The following S100Z variants were observed in gnomAD, a reference collection of about 807,000 sequenced individuals.
S100Z encodes protein S100-Z.
Under a neutral mutation model 8.5 loss-of-function variants are expected in S100Z, and 11 were observed. The ratio of observed to expected loss-of-function variants is 1.30; its 90% CI spans 0.82 to 2.15. The LOEUF is 2.15. S100Z is among the 30% of genes most tolerant of loss of function. The pLI is 0.00. For synonymous variants in S100Z, 34 were observed against 43.8 expected (o/e 0.78, Z 0.89); for missense variants, 126 against 117.9 (o/e 1.07, Z -0.32).
chr5:76,862,029 T>A (rs1320305), intron 1 of S100Z, among the ~76,000 whole-genome samples: 9 of 152,106 alleles, frequency 5.9e-5, no homozygotes, highest in Admixed American at 5.9e-4. Flanking sequence ...TGTCATTAAT[T>A]CTCCATGTAT....
intron 4 of S100Z, among the ~76,000 whole-genome samples, chr5:76,911,037 G>T (rs535992611): frequency 1.3e-5 from 2 of 152,266 alleles, no homozygotes; most frequent in East Asian, 3.9e-4. Context: ...TTACCCATTT[G>T]TTGTCCTCTA....
At chr5:76,948,162 C>CTAAAAATACAAAAA in the S100Z span, among the ~76,000 whole-genome samples, 11,664 of 151,800 alleles carry the variant, frequency 0.077, 730 homozygotes, top group African/African-American at 0.17. Context: ...CCCGTCTCTA[C>CTAAAAATACAAAAA]TAAAAATACA....
At chr5:76,874,906 A>T (rs1743124916) in intron 2 of S100Z, among the ~76,000 whole-genome samples, 1 of 151,204 alleles carries the variant, frequency 6.6e-6, no homozygotes, top group African/African-American at 2.4e-5. Flanking sequence ...TTTTTTTGAG[A>T]CGGCGTCTCG....
At chr5:76,876,371 A>ATTT (rs796432506) in intron 3 of S100Z, among the ~76,000 whole-genome samples, 2 of 141,412 alleles carry the variant, frequency 1.4e-5, no homozygotes, top group African/African-American at 5.2e-5. Context: ...TGGCTACTGT[A>ATTT]TTTTTTTTTT....
intron 1 of S100Z, among the ~76,000 whole-genome samples, chr5:76,855,447 G>A (rs1343423019): frequency 6.6e-6 from 1 of 152,200 alleles, no homozygotes. Flanking sequence ...CCTTGCAGCA[G>A]TGTGCCCTGA....
At chr5:76,930,815 A>G in the S100Z span, among the ~76,000 whole-genome samples, 2 of 151,982 alleles carry the variant, frequency 1.3e-5, no homozygotes, top group Non-Finnish European at 2.9e-5. Flanking sequence ...GGAGAAGAAG[A>G]GTGTTTGAGG....
At chr5:76,948,566 G>T in the S100Z span, among the ~76,000 whole-genome samples, 1 of 152,096 alleles carries the variant, frequency 6.6e-6, no homozygotes, top group African/African-American at 2.4e-5. Context: ...TGGCCAACCA[G>T]TATATGAAAA....
intron 1 of S100Z, among the ~76,000 whole-genome samples, chr5:76,851,994 T>C (rs1179111625): frequency 6.6e-6 from 1 of 152,166 alleles, no homozygotes; most frequent in East Asian, 1.9e-4. Context: ...TTTTGTTTGT[T>C]TGTCTTGAGT....
At chr5:76,887,100 C>CTTTTT (rs775761857) in intron 4 of S100Z, among the ~76,000 whole-genome samples, 1 of 140,272 alleles carries the variant, frequency 7.1e-6, no homozygotes, top group Non-Finnish European at 1.6e-5. Flanking sequence ...CTTTTCTTTT[C>CTTTTT]TTTTTTTTTT....
chr5:76,858,743 A>G (rs1332903794), intron 1 of S100Z, among the ~76,000 whole-genome samples: 1 of 152,224 alleles, frequency 6.6e-6, no homozygotes, highest in African/African-American at 2.4e-5. Context: ...TCACATCCCT[A>G]TAGAGAGATG....
rs1024375652 is a variant in S100Z at position 76,866,026 on chromosome 5, GA to G, written c.-175-4129del. Among the ~76,000 whole-genome samples the G allele has an allele frequency of 7.6e-3, 1,055 of 139,096 alleles. 12 individuals are homozygous for G. The highest frequency in any genetic ancestry group is 0.025 in the African/African-American group (959 of 38,264). 91.3% of individuals were successfully genotyped at this position (139,096 alleles called of 152,430 possible). A position where few individuals can be genotyped will look rare whatever the true frequency, so the allele number is the denominator to read the frequency against. On this transcript the variant is annotated intron_variant, in intron 1 of 4. Coordinates refer to ENST00000317593, the MANE Select transcript of S100Z (RefSeq NM_130772.4). ...TGAGACTCCATCTCAAAGAAAAAAA[GA>G]AAAAAAAAAAGTTACAGTAAGGTAA...
chr5:76,893,253 C>T (rs1324135160), intron 4 of S100Z, among the ~76,000 whole-genome samples: 1 of 152,126 alleles, frequency 6.6e-6, no homozygotes, highest in African/African-American at 2.4e-5. Flanking sequence ...TGCTTTGTTT[C>T]TACTTGCAGT....
intron 4 of S100Z, among the ~76,000 whole-genome samples, chr5:76,919,566 T>C (rs78849198): frequency 8.7e-4 from 61 of 70,518 alleles, no homozygotes; most frequent in African/African-American, 3.3e-3. Context: ...CTTCCTTCCT[T>C]TCTCTCTCTC....
chr5:76,930,825 G>C, the S100Z span, among the ~76,000 whole-genome samples: 1 of 152,106 alleles, frequency 6.6e-6, no homozygotes, highest in African/African-American at 2.4e-5. Context: ...AGTGTTTGAG[G>C]CCCTATGATT....
chr5:76,927,558 CA>C, the S100Z span, among the ~76,000 whole-genome samples: 2 of 152,216 alleles, frequency 1.3e-5, no homozygotes, highest in Admixed American at 6.5e-5. Flanking sequence ...TTGCAAAAAT[CA>C]GTCACCTCAA....
chr5:76,926,487 A>G (rs1445322520), downstream of S100Z, among the ~76,000 whole-genome samples: 1 of 152,150 alleles, frequency 6.6e-6, no homozygotes, highest in Non-Finnish European at 1.5e-5. Context: ...TGGGGCTAAA[A>G]CAGAGCCCTC....
intron 2 of S100Z, among the ~76,000 whole-genome samples, chr5:76,871,452 C>T (rs1743006515): frequency 6.6e-6 from 1 of 151,156 alleles, no homozygotes; most frequent in African/African-American, 2.4e-5. Context: ...TCAAGAATTT[C>T]TTTCTGCTGA....
At chr5:76,855,495 T>C (rs183706562) in intron 1 of S100Z, among the ~76,000 whole-genome samples, 2 of 152,318 alleles carry the variant, frequency 1.3e-5, no homozygotes, top group Non-Finnish European at 2.9e-5. Context: ...GAGATTATTT[T>C]GGAGCTTTAA....
rs183023992 is a variant in S100Z at position 76,863,755 on chromosome 5, G to T, written c.-175-6411G>T. The stretch of plus-strand genomic sequence containing the variant: ...GGGTTTCACCGTGTTAGCCAGGATG[G>T]TCTCGATCTCCTGACCTTGTGATCC... On this transcript the variant is annotated intron_variant, in intron 1 of 4. Transcript: ENST00000317593. Among the ~76,000 whole-genome samples the T allele has an allele frequency of 1.5e-3, 230 of 152,134 alleles. 1 individual carries two copies. Among genetic ancestry groups the T allele is most frequent in the Admixed American group, 2.5e-3 (38 of 15,288 alleles).
Sources: gnomAD v4.1 joint callset for allele counts (sites outside exome capture counted in the v4.1 genomes callset) on GRCh38, gnomAD v4.1.1 for gene constraint, MANE v1.5 for transcripts, NCBI Gene and HGNC (gene_info 2026-07-23, HGNC 2026-07-21) for gene names.